DMD: variants seen among roughly 807,000 people sequenced by gnomAD.
The protein encoded by DMD is dystrophin.
In DMD, 63 loss-of-function variants were observed where a neutral mutation model predicts 330.1. That is an observed-to-expected ratio of 0.19 (90% confidence interval 0.16 to 0.24). DMD has a LOEUF of 0.24. DMD is among the 10% of genes least tolerant of loss of function. The pLI is 1.00. For missense variants in DMD, 3,344 were observed against 2,684.1 expected, an observed-to-expected ratio of 1.25 and a Z score of -5.43; for synonymous variants, 1,223 against 959.8, an observed-to-expected ratio of 1.27 and a Z score of -5.07.
chrX:32,549,260 T>A (rs1238630683), intron 16 of DMD, among the ~76,000 whole-genome samples: 3 of 111,401 alleles, frequency 2.7e-5, no homozygotes, highest in Non-Finnish European at 5.7e-5. Context: ...TTATCTCAAA[T>A]CTATGCATTA....
In DMD at chrX:31,538,297, A is replaced by G. The variant is rs748210861; in HGVS notation, c.8218-30844T>C. ...TTTCCATTTGTGATGTCATGTCAGC[A>G]TTCAAACAGTTTTGGAATTTGGAAC... On this transcript the variant is annotated intron_variant, in intron 55 of 78. Transcript: ENST00000357033. Among the ~76,000 whole-genome samples, 45 of 112,527 alleles carry G rather than the reference A, an allele frequency of 4.0e-4. No homozygotes were observed. The South Asian group carries it at 0.017, about 42-fold the overall frequency.
At chrX:32,880,334 T>G (rs981711765) in intron 2 of DMD, among the ~76,000 whole-genome samples, 5 of 109,933 alleles carry the variant, frequency 4.5e-5, no homozygotes, top group Non-Finnish European at 7.6e-5. Flanking sequence ...ACTAACTGAT[T>G]GTCTGCCTAT....
intron 11 of DMD, among the ~76,000 whole-genome samples, chrX:32,640,306 C>A (rs1001843962): frequency 4.0e-4 from 43 of 107,176 alleles, no homozygotes; most frequent in Non-Finnish European, 6.5e-4. Context: ...ATGTCAGCCT[C>A]ATGACACTAT....
chrX:32,472,111 G>C (rs2040700333), intron 22 of DMD, 53 bp downstream of exon 22: 4 of 1,170,275 alleles, frequency 3.4e-6, no homozygotes, highest in Non-Finnish European at 4.7e-6. Flanking sequence ...TTATATCAAT[G>C]TGAATGCTTG....
intron 1 of DMD, among the ~76,000 whole-genome samples, chrX:33,236,753 T>A (rs2052491679): frequency 9.0e-6 from 1 of 111,309 alleles, no homozygotes; most frequent in Non-Finnish European, 1.9e-5. Flanking sequence ...ATCTGTAATC[T>A]CTGAGGTGAG....
At chrX:32,984,071 T>A (rs1382351766) in intron 2 of DMD, among the ~76,000 whole-genome samples, 2 of 111,353 alleles carry the variant, frequency 1.8e-5, no homozygotes, top group Non-Finnish European at 3.8e-5. Flanking sequence ...TAAAGAAAAT[T>A]CCATGTTATT....
chrX:33,314,569 T>G (rs937117101), intron 1 of DMD, among the ~76,000 whole-genome samples: 10 of 64,277 alleles, frequency 1.6e-4, no homozygotes, highest in East Asian at 3.7e-4. Context: ...GTTTTTTTTT[T>G]GTTTTTTTTT....
chrX:31,329,700 C>T (rs183698177), intron 61 of DMD, among the ~76,000 whole-genome samples: 84 of 110,359 alleles, frequency 7.6e-4, no homozygotes, highest in Non-Finnish European at 1.2e-3. Context: ...CGGCCGGGCG[C>T]GGTGGCTCAC....
At chrX:32,960,016 T>C (rs370171595) in intron 2 of DMD, among the ~76,000 whole-genome samples, 1 of 111,925 alleles carries the variant, frequency 8.9e-6, no homozygotes, top group East Asian at 2.8e-4. Context: ...GCCTGCCCTC[T>C]AGACTCAACA....
At chrX:32,696,381 G>C (rs1415237498) in intron 9 of DMD, among the ~76,000 whole-genome samples, 1 of 112,044 alleles carries the variant, frequency 8.9e-6, no homozygotes, top group African/African-American at 3.2e-5. Context: ...CCCATCTCTT[G>C]TGATTTGTGC....
chrX:32,319,612 G>GCATTTCTTCAATTCATAGCA (rs1401543851), intron 41 of DMD, among the ~76,000 whole-genome samples: 1 of 110,991 alleles, frequency 9.0e-6, no homozygotes, highest in Non-Finnish European at 1.9e-5. Flanking sequence ...TCACTATGTC[G>GCATTTCTTCAATTCATAGCA]CATTTCTTCA....
chrX:31,750,610 A>G (rs1420678563), intron 51 of DMD, among the ~76,000 whole-genome samples: 6 of 109,924 alleles, frequency 5.5e-5, no homozygotes, highest in African/African-American at 1.7e-4. Context: ...CTCTCTCACC[A>G]CTCCTATTCA....
chrX:32,322,096 T>C lies in DMD; in HGVS notation c.5923-11820A>G, dbSNP rs1264779151. ...TAAACTGACATTAATAGTGAAAAAA[T>C]AAGAGACTTAGAGAACAGATCTAAG... On this transcript the variant is annotated intron_variant, in intron 41 of 78. Coordinates refer to ENST00000357033, the MANE Select transcript of DMD (RefSeq NM_004006.3). Among the ~76,000 whole-genome samples the C allele has an allele frequency of 2.9e-4, 32 of 109,846 alleles. No individual in the cohort carries two copies. In the Admixed American group the frequency reaches 3.1e-3, roughly 11 times the overall value.
chrX:32,612,276 G>T (rs2057237765), intron 12 of DMD, among the ~76,000 whole-genome samples: 1 of 110,945 alleles, frequency 9.0e-6, no homozygotes, highest in South Asian at 3.8e-4. Context: ...CAGCTCTGGT[G>T]GCACTAATTC....
At chrX:32,269,309 T>C (rs1056019044) in intron 43 of DMD, among the ~76,000 whole-genome samples, 1 of 111,678 alleles carries the variant, frequency 9.0e-6, no homozygotes, top group African/African-American at 3.3e-5. Flanking sequence ...TATAAGACCA[T>C]GGAAGTATGC....
At chrX:33,070,671 C>CTATA (rs2094737044) in intron 1 of DMD, among the ~76,000 whole-genome samples, 8 of 44,009 alleles carry the variant, frequency 1.8e-4, no homozygotes, top group African/African-American at 5.0e-4. Flanking sequence ...CTCTCTCTCT[C>CTATA]TCTATATATA....
At chrX:32,759,167 A>G (rs959960477) in intron 7 of DMD, among the ~76,000 whole-genome samples, 2 of 112,054 alleles carry the variant, frequency 1.8e-5, no homozygotes, top group African/African-American at 6.5e-5. Flanking sequence ...TTACTACTTC[A>G]CAAATAATTT....
chrX:31,557,827 A>G (rs2074939096), intron 55 of DMD, among the ~76,000 whole-genome samples: 1 of 110,811 alleles, frequency 9.0e-6, no homozygotes, highest in African/African-American at 3.3e-5. Flanking sequence ...TAAAATCGGC[A>G]TAGACGTGAT....
chrX:32,458,381 TTTTA>T (rs1370903407), intron 25 of DMD, among the ~76,000 whole-genome samples: 1 of 111,863 alleles, frequency 8.9e-6, no homozygotes, highest in Admixed American at 9.5e-5. Context: ...ATATACCATG[TTTTA>T]TTTATTTGAC....
Sources: allele counts gnomAD v4.1 joint callset (sites outside exome capture counted in the v4.1 genomes callset), GRCh38; gene constraint gnomAD v4.1.1; transcripts MANE v1.5; gene names NCBI Gene and HGNC (gene_info 2026-07-23, HGNC 2026-07-21).